The following HS3ST4 variants were observed in gnomAD, a reference collection of about 807,000 sequenced individuals.
HS3ST4 encodes the protein heparan sulfate-glucosamine 3-sulfotransferase 4.
A neutral mutation model predicts 29.2 loss-of-function variants in HS3ST4; 17 were observed. That is an observed-to-expected ratio of 0.58 (90% CI 0.40 to 0.87). HS3ST4 has a LOEUF of 0.87. HS3ST4 is among the 40% of genes least tolerant of loss of function. The pLI is 0.00. For missense variants in HS3ST4, 627 were observed against 634.5 expected (o/e 0.99, Z 0.13); for synonymous variants, 314 against 285.7 (o/e 1.10, Z -1.00).
intron 1 of HS3ST4, among the ~76,000 whole-genome samples, chr16:25,742,654 A>AC (rs1310605680): frequency 6.6e-6 from 1 of 152,208 alleles, no homozygotes; most frequent in African/African-American, 2.4e-5. Context: ...CAGCCTTTTG[A>AC]AAGTGCCATG....
At chr16:25,835,747 C>T (rs1967350102) in intron 1 of HS3ST4, among the ~76,000 whole-genome samples, 1 of 152,194 alleles carries the variant, frequency 6.6e-6, no homozygotes, top group African/African-American at 2.4e-5. Flanking sequence ...TGTGTTGTGA[C>T]TTGCCGGGGG....
At chr16:25,969,009 G>A (rs1968871574) in intron 1 of HS3ST4, among the ~76,000 whole-genome samples, 1 of 152,016 alleles carries the variant, frequency 6.6e-6, no homozygotes, top group African/African-American at 2.4e-5. Context: ...TAGCAGAGAC[G>A]GGGGTTTCAC....
At chr16:25,703,417 T>G (rs1966350565) in intron 1 of HS3ST4, among the ~76,000 whole-genome samples, 1 of 152,100 alleles carries the variant, frequency 6.6e-6, no homozygotes. Context: ...TGGCACCTCG[T>G]GAGATAGGCA....
intron 1 of HS3ST4, among the ~76,000 whole-genome samples, chr16:26,017,475 T>A (rs1404429088): frequency 6.6e-6 from 1 of 152,084 alleles, no homozygotes; most frequent in Non-Finnish European, 1.5e-5. Flanking sequence ...AATTGGCCAG[T>A]TTGCAGTCAG....
In HS3ST4 at chr16:25,703,683, A is replaced by C. The variant is rs140516410; in HGVS notation, c.734+10532A>C. Reference sequence around the variant, plus strand: ...AGGCTGCTGCAGGAGTCTTGCCCTCACAGTAAACAGTGGAAGTGGTTTTCT... The same window carrying C: ...AGGCTGCTGCAGGAGTCTTGCCCTCCCAGTAAACAGTGGAAGTGGTTTTCT... On this transcript the variant is annotated intron_variant, in intron 1 of 1. Transcript: ENST00000331351. 4.5e-4 allele frequency among the ~76,000 whole-genome samples: 69 copies of C among 152,312 alleles called. 2 individuals are homozygous for C. Among genetic ancestry groups the C allele is most frequent in the African/African-American group, 1.6e-3 (67 of 41,556 alleles).
chr16:25,904,171 G>GACAGATGA (rs1968156269), intron 1 of HS3ST4, among the ~76,000 whole-genome samples: 1 of 88,094 alleles, frequency 1.1e-5, no homozygotes, highest in Non-Finnish European at 2.7e-5. Flanking sequence ...TGAATGGATG[G>GACAGATGA]ATGGATGGAT....
At chr16:26,031,380 C>G (rs927204913) in intron 1 of HS3ST4, among the ~76,000 whole-genome samples, 2 of 152,270 alleles carry the variant, frequency 1.3e-5, no homozygotes, top group East Asian at 3.9e-4. Context: ...ACGAGGCTCC[C>G]GAATCTGACT....
At chr16:25,808,715 T>A (rs1182470767) in intron 1 of HS3ST4, among the ~76,000 whole-genome samples, 1 of 152,190 alleles carries the variant, frequency 6.6e-6, no homozygotes, top group Non-Finnish European at 1.5e-5. Flanking sequence ...TTGACATCTT[T>A]ACTGTGCTGC....
At chr16:25,737,091 A>G (rs960756210) in intron 1 of HS3ST4, among the ~76,000 whole-genome samples, 3 of 152,074 alleles carry the variant, frequency 2.0e-5, no homozygotes, top group East Asian at 1.9e-4. Flanking sequence ...CAGGTTTGTT[A>G]TATAGGTAAG....
chr16:25,934,692 C>T (rs962687280), intron 1 of HS3ST4, among the ~76,000 whole-genome samples: 8 of 152,106 alleles, frequency 5.3e-5, no homozygotes, highest in African/African-American at 9.7e-5. Context: ...TGCACCAAAC[C>T]GGAGAACACT....
Position 26,060,293 on chromosome 16 carries a change from G to A in HS3ST4, c.735-75319G>A, listed in dbSNP as rs1898459903. On this transcript the variant is annotated intron_variant, in intron 1 of 1. Coordinates refer to ENST00000331351, the MANE Select transcript of HS3ST4 (RefSeq NM_006040.3). ...TGACCTATGTTGTCCTTTTATTGGAGTCTTTGGGGTGTCCACGGCTGGTAA... is the reference window on the plus strand; with the variant it reads ...TGACCTATGTTGTCCTTTTATTGGAATCTTTGGGGTGTCCACGGCTGGTAA... Among the ~76,000 whole-genome samples, 3 of 152,278 alleles carry A rather than the reference G, an allele frequency of 2.0e-5. No individual in the cohort carries two copies. The South Asian group carries it at 6.2e-4, about 32-fold the overall frequency.
chr16:25,749,448 T>C (rs79509035), intron 1 of HS3ST4, among the ~76,000 whole-genome samples: 1 of 151,972 alleles, frequency 6.6e-6, no homozygotes, highest in African/African-American at 2.4e-5. Flanking sequence ...TGAGCCATCA[T>C]TGCACCACTG....
intron 1 of HS3ST4, among the ~76,000 whole-genome samples, chr16:26,113,470 ATGTGTGTGTGTGTG>A (rs55722050): frequency 4.5e-5 from 6 of 132,218 alleles, no homozygotes; most frequent in Middle Eastern, 4.1e-3. Context: ...ACAATATATG[ATGTGTGTGTGTGTG>A]TGTGTGTGTG....
chr16:25,759,589 G>A (rs1324144808), intron 1 of HS3ST4, among the ~76,000 whole-genome samples: 1 of 152,146 alleles, frequency 6.6e-6, no homozygotes, highest in Non-Finnish European at 1.5e-5. Flanking sequence ...CCGAAGGATG[G>A]AGTTCCGTGT....
At chr16:25,806,115 A>T (rs1310528803) in intron 1 of HS3ST4, among the ~76,000 whole-genome samples, 1 of 152,160 alleles carries the variant, frequency 6.6e-6, no homozygotes, top group East Asian at 1.9e-4. Context: ...ATTGATGGGC[A>T]TTTGGATTGA....
intron 1 of HS3ST4, among the ~76,000 whole-genome samples, chr16:25,894,240 T>C (rs1228518313): frequency 6.6e-6 from 1 of 152,162 alleles, no homozygotes; most frequent in Non-Finnish European, 1.5e-5. Flanking sequence ...GGGAGGGTGT[T>C]TCCTAGTTTA....
At chr16:25,940,033 C>A (rs1408034933) in intron 1 of HS3ST4, among the ~76,000 whole-genome samples, 1 of 152,052 alleles carries the variant, frequency 6.6e-6, no homozygotes, top group Non-Finnish European at 1.5e-5. Context: ...TTCTTATGCA[C>A]CCACATGGAT....
intron 1 of HS3ST4, among the ~76,000 whole-genome samples, chr16:25,740,517 A>G (rs1416635943): frequency 1.3e-5 from 2 of 152,170 alleles, no homozygotes; most frequent in African/African-American, 4.8e-5. Flanking sequence ...TCCAGGTGAG[A>G]CGAGTAGAAG....
chr16:25,920,666 G>A (rs1234518986), intron 1 of HS3ST4, among the ~76,000 whole-genome samples: 2 of 150,122 alleles, frequency 1.3e-5, no homozygotes, highest in Non-Finnish European at 3.0e-5. Flanking sequence ...ACAGTGGTGC[G>A]GTCATGGCTC....
Sources: allele counts gnomAD v4.1 joint callset (sites outside exome capture counted in the v4.1 genomes callset), GRCh38; gene constraint gnomAD v4.1.1; transcripts MANE v1.5; gene names NCBI Gene and HGNC (gene_info 2026-07-23, HGNC 2026-07-21).